The following FBXO36 variants were observed in gnomAD, a reference collection of about 807,000 sequenced individuals.
FBXO36 encodes F-box protein 36, also known as F-box only protein 36.
Under a neutral mutation model 17.0 loss-of-function variants are expected in FBXO36, and 18 were observed. The ratio of observed to expected loss-of-function variants is 1.06; its 90% CI spans 0.73 to 1.57. FBXO36 has a LOEUF of 1.57. Among genes scored for constraint, FBXO36 ranks in the 40% most tolerant of loss-of-function variants. The pLI, the probability that FBXO36 is intolerant of heterozygous loss-of-function variation, is 0.00. For synonymous variants in FBXO36, 83 were observed against 85.3 expected (o/e 0.97, Z 0.15); for missense variants, 229 against 221.9 (o/e 1.03, Z -0.20).
intron 1 of FBXO36, 117 bp from the exon 2 acceptor site, chr2:229,976,124 A>C: frequency 1.6e-6 from 1 of 640,470 alleles, no homozygotes; most frequent in Non-Finnish European, 2.7e-6. Context: ...GCCAGACTGC[A>C]AAGTTATAGC....
intron 2 of FBXO36, among the ~76,000 whole-genome samples, chr2:229,981,617 A>G (rs1383077037): frequency 6.7e-6 from 1 of 149,520 alleles, no homozygotes; most frequent in Non-Finnish European, 1.5e-5. Context: ...TGGAAGGATC[A>G]CCTGAGCCTG....
At chr2:229,982,778 CAAAA>C (rs58999886) in intron 2 of FBXO36, among the ~76,000 whole-genome samples, 9 of 78,728 alleles carry the variant, frequency 1.1e-4, no homozygotes, top group African/African-American at 3.8e-4. Flanking sequence ...GAGCTTGTCT[CAAAA>C]AAAAAAAAAA....
chr2:230,007,697 T>A (rs891720429), intron 3 of FBXO36, among the ~76,000 whole-genome samples: 3 of 152,102 alleles, frequency 2.0e-5, no homozygotes, highest in Non-Finnish European at 4.4e-5. Flanking sequence ...CCTCCCAGGT[T>A]CAAGCGATTC....
chr2:229,989,522 G>A (rs2077287485), intron 2 of FBXO36, among the ~76,000 whole-genome samples: 1 of 152,142 alleles, frequency 6.6e-6, no homozygotes, highest in African/African-American at 2.4e-5. Flanking sequence ...CTCCCAAAGT[G>A]CTGGGATTAC....
rs558328719 is a variant in FBXO36, at chr2:229,989,717, C to T, written c.206-7034C>T. 5.7e-3 allele frequency among the ~76,000 whole-genome samples: 833 copies of T among 145,330 alleles called. 4 individuals are homozygous for T. Among genetic ancestry groups the T allele is most frequent in the Non-Finnish European group, 7.8e-3 (522 of 66,858 alleles). Reference sequence around the variant, plus strand: ...CTGGGATTACAGGCACCCACCACCACGCCTGGCTAATTTTTTTTTTTTTTT... The same window carrying T: ...CTGGGATTACAGGCACCCACCACCATGCCTGGCTAATTTTTTTTTTTTTTT... On this transcript the variant is annotated intron_variant, in intron 2 of 3. Coordinates refer to ENST00000283946, the MANE Select transcript of FBXO36 (RefSeq NM_174899.5).
chr2:230,002,366 T>G (rs568225906), intron 3 of FBXO36, among the ~76,000 whole-genome samples: 1 of 151,516 alleles, frequency 6.6e-6, no homozygotes, highest in East Asian at 1.9e-4. Flanking sequence ...CTCTGTTTTT[T>G]CCCCCCCGTA....
intron 1 of FBXO36, among the ~76,000 whole-genome samples, chr2:229,923,860 T>G (rs1342723487): frequency 2.8e-5 from 4 of 141,722 alleles, no homozygotes; most frequent in South Asian, 4.6e-4. Flanking sequence ...TTTTTTTTTT[T>G]TTTTTTTTTT....
chr2:229,984,070 T>A (rs2077254523), intron 2 of FBXO36, among the ~76,000 whole-genome samples: 1 of 152,106 alleles, frequency 6.6e-6, no homozygotes, highest in African/African-American at 2.4e-5. Context: ...TAAAATCAGG[T>A]TGGGCGCGGT....
At chr2:229,980,151 A>G (rs143628605) in intron 2 of FBXO36, among the ~76,000 whole-genome samples, 5 of 152,056 alleles carry the variant, frequency 3.3e-5, no homozygotes, top group African/African-American at 1.2e-4. Flanking sequence ...AAGTTTAAGC[A>G]GTTCTCATGC....
chr2:230,000,012 C>G (rs2077350015), intron 3 of FBXO36, among the ~76,000 whole-genome samples: 1 of 151,910 alleles, frequency 6.6e-6, no homozygotes, highest in Middle Eastern at 3.2e-3. Flanking sequence ...TATATTTTTG[C>G]CATTAAATAA....
intron 2 of FBXO36, among the ~76,000 whole-genome samples, chr2:229,980,176 C>T (rs898082541): frequency 6.6e-6 from 1 of 152,006 alleles, no homozygotes; most frequent in African/African-American, 2.4e-5. Flanking sequence ...GAGCCCCCGC[C>T]CCTGCCCCTG....
At chr2:229,979,499 G>T (rs779553248) in intron 2 of FBXO36, among the ~76,000 whole-genome samples, 1 of 151,846 alleles carries the variant, frequency 6.6e-6, no homozygotes, top group African/African-American at 2.4e-5. Context: ...TAAAAGTTGG[G>T]CTGGGTGCAG....
At chr2:229,937,266 G>A (rs867194812) in intron 1 of FBXO36, among the ~76,000 whole-genome samples, 2 of 151,924 alleles carry the variant, frequency 1.3e-5, no homozygotes, top group African/African-American at 2.4e-5. Flanking sequence ...AGGCTGAGGC[G>A]GGCAGATCAC....
At chr2:229,985,697 A>G (rs958047102) in intron 2 of FBXO36, among the ~76,000 whole-genome samples, 3 of 152,202 alleles carry the variant, frequency 2.0e-5, no homozygotes, top group Non-Finnish European at 2.9e-5. Flanking sequence ...TTATTAACTG[A>G]TGTTTTAAGA....
chr2:229,964,822 G>GT (rs2106185306), intron 1 of FBXO36, among the ~76,000 whole-genome samples: 1 of 152,210 alleles, frequency 6.6e-6, no homozygotes, highest in Admixed American at 6.5e-5. Context: ...CCCGGTGCGT[G>GT]TATCAGTATT....
At chr2:229,927,171 G>T (rs1477585917) in intron 1 of FBXO36, among the ~76,000 whole-genome samples, 1 of 152,148 alleles carries the variant, frequency 6.6e-6, no homozygotes, top group Non-Finnish European at 1.5e-5. Context: ...GGGCTAGAAA[G>T]AATCTTGAAT....
chr2:229,929,583 A>G (rs2076928904), intron 1 of FBXO36, among the ~76,000 whole-genome samples: 3 of 150,894 alleles, frequency 2.0e-5, no homozygotes, highest in South Asian at 4.2e-4. Flanking sequence ...AAAGAAAAAG[A>G]AAGACACAGC....
chr2:229,966,988 C>T (rs991923204), intron 1 of FBXO36, among the ~76,000 whole-genome samples: 4 of 151,924 alleles, frequency 2.6e-5, no homozygotes, highest in South Asian at 2.1e-4. Context: ...GCCATTTTCA[C>T]GATATTCTTC....
chr2:229,937,460 A>T (rs2076970149), intron 1 of FBXO36, among the ~76,000 whole-genome samples: 1 of 152,202 alleles, frequency 6.6e-6, no homozygotes, highest in Non-Finnish European at 1.5e-5. Context: ...GTACCATTGC[A>T]CTTCAGCCTA....
Sources: allele counts gnomAD v4.1 joint callset (sites outside exome capture counted in the v4.1 genomes callset), GRCh38; gene constraint gnomAD v4.1.1; transcripts MANE v1.5; gene names NCBI Gene and HGNC (gene_info 2026-07-23, HGNC 2026-07-21).